ABCA13: variants seen among roughly 807,000 people sequenced by gnomAD.
ABCA13 encodes the protein ATP binding cassette subfamily A member 13.
Under a neutral mutation model 478.7 loss-of-function variants are expected in ABCA13, and 476 were observed. That is an observed-to-expected ratio of 0.99 (90% CI 0.92 to 1.07). ABCA13 has a LOEUF of 1.07. Among genes scored for constraint, ABCA13 ranks in the 50% least tolerant of loss-of-function variants. The pLI is 0.00. For synonymous variants in ABCA13, 2,252 were observed against 2,158.9 expected (o/e 1.04, Z -1.20); for missense variants, 6,060 against 5,910.6 (o/e 1.03, Z -0.83).
chr7:48,221,427 G>A (rs1787347278), intron 5 of ABCA13, 118 bp downstream of exon 5: 1 of 533,156 alleles, frequency 1.9e-6, no homozygotes. Context: ...TATAACAATT[G>A]TATAGAAGCT....
intron 1 of ABCA13, among the ~76,000 whole-genome samples, chr7:48,191,085 G>A (rs1797045707): frequency 6.6e-6 from 1 of 151,782 alleles, no homozygotes; most frequent in Admixed American, 6.6e-5. Context: ...TTTTTATTTT[G>A]CTTACTTATA....
At position 48,367,750 on chromosome 7, in the gene ABCA13, C is replaced by A. The variant is rs1158799265; in HGVS notation, c.10689-44C>A. The A allele has an allele frequency of 4.2e-6, 6 of 1,422,656 alleles. No individual in the cohort carries two copies. In the African/African-American group the frequency reaches 4.3e-5, roughly 10 times the overall value. The allele number at this position is 1,422,656 out of a possible 1,614,324, so 88.1% of individuals were successfully genotyped here. On this transcript the variant is annotated intron_variant, in intron 31 of 61. Transcript: ENST00000435803. Reference sequence around the variant, plus strand: ...GAAAAATGTAAAAAATTAGTAGAGTCATTTTGCTTGTCTCCGGATGCTGAC... The same window carrying A: ...GAAAAATGTAAAAAATTAGTAGAGTAATTTTGCTTGTCTCCGGATGCTGAC...
In ABCA13 at chr7:48,246,875, C is replaced by G. The variant is rs923948124; in HGVS notation, c.1659+845C>G. ...GAGTCTTCCCAAATAAGTCAATGAG[C>G]CTTAGATGAGGTGTAAGATTTGGAA... On this transcript the variant is annotated intron_variant, in intron 13 of 61. Transcript: ENST00000435803. 4.6e-5 allele frequency among the ~76,000 whole-genome samples: 7 copies of G among 151,982 alleles called. No individual in the cohort carries two copies. The East Asian group carries it at 7.7e-4, about 17-fold the overall frequency.
Position 48,255,603 on chromosome 7 carries a change from C to A in ABCA13, c.2005+6252C>A, listed in dbSNP as rs556546644. Among the ~76,000 whole-genome samples the A allele has an allele frequency of 2.6e-5, 4 of 152,174 alleles. No homozygotes were observed. In the East Asian group the frequency reaches 7.7e-4, roughly 29 times the overall value. On this transcript the variant is annotated intron_variant, in intron 15 of 61. Transcript: ENST00000435803. ...AATTAATTTTCTGAGAATACTGGCC[C>A]CCAGCTACATCCATGTTACTGCAAA...
chr7:48,340,859 C>G (rs1011216348), intron 29 of ABCA13, among the ~76,000 whole-genome samples: 2 of 152,176 alleles, frequency 1.3e-5, no homozygotes, highest in African/African-American at 4.8e-5. Flanking sequence ...TCATCTAGCT[C>G]TGCCTTCCAT....
At chr7:48,597,796 T>G (rs772614901) in intron 58 of ABCA13, among the ~76,000 whole-genome samples, 2 of 152,330 alleles carry the variant, frequency 1.3e-5, no homozygotes, top group Non-Finnish European at 2.9e-5. Flanking sequence ...GCTTGATACT[T>G]TAGAATAGTT....
In ABCA13 at chr7:48,221,324, A is replaced by C. The variant is rs937419124; in HGVS notation, c.468+15A>C. The stretch of plus-strand genomic sequence containing the variant: ...GTTTTTTTACAGTAAGTATCTTAAC[A>C]ATAGTTTGAAAATTAGTCTTCAGAG... On this transcript the variant is annotated intron_variant, in intron 5 of 61. Coordinates refer to ENST00000435803, the MANE Select transcript of ABCA13 (RefSeq NM_152701.5). 3.6e-6 allele frequency: 4 copies of C among 1,111,536 alleles called. No individual in the cohort carries two copies. Among genetic ancestry groups the C allele is most frequent in the South Asian group, 2.9e-5 (2 of 67,872 alleles). 68.9% of individuals were successfully genotyped at this position (1,111,536 alleles called of 1,614,324 possible). A position where few individuals can be genotyped will look rare whatever the true frequency, so the allele number is the denominator to read the frequency against.
intron 59 of ABCA13, among the ~76,000 whole-genome samples, chr7:48,636,116 T>G (rs948733503): frequency 1.3e-5 from 2 of 152,180 alleles, no homozygotes; most frequent in African/African-American, 4.8e-5. Context: ...ATATTGACTT[T>G]TTACAGCCCC....
In ABCA13 at chr7:48,271,779, T is replaced by C. The variant is rs1428681186; in HGVS notation, c.2121-8T>C. The C allele has an allele frequency of 1.4e-6, 2 of 1,389,740 alleles. No individual in the cohort carries two copies. Among genetic ancestry groups the C allele is most frequent in the African/African-American group, 2.9e-5 (2 of 68,320 alleles). The allele number at this position is 1,389,740 out of a possible 1,614,324, so 86.1% of individuals were successfully genotyped here. A position where few individuals can be genotyped will look rare whatever the true frequency, so the allele number is the denominator to read the frequency against. ...TTTTATACTAAAATAATTCTATTAA[T>C]ATTACAGGGCTTTAAATTTCACAAA... On this transcript the variant is annotated splice_region_variant and splice_polypyrimidine_tract_variant and intron_variant, in intron 16 of 61. Coordinates refer to ENST00000435803, the MANE Select transcript of ABCA13 (RefSeq NM_152701.5).
At chr7:48,316,635 A>T (rs988139478) in intron 26 of ABCA13, among the ~76,000 whole-genome samples, 2 of 152,198 alleles carry the variant, frequency 1.3e-5, no homozygotes, top group East Asian at 3.9e-4. Context: ...ATTTGTAAAG[A>T]AAGAGGTTTG....
chr7:48,461,768 C>T (rs940934334), intron 43 of ABCA13, among the ~76,000 whole-genome samples: 5 of 152,122 alleles, frequency 3.3e-5, no homozygotes, highest in Non-Finnish European at 7.4e-5. Flanking sequence ...TGACGACATT[C>T]TCATTGTGGA....
At chr7:48,561,513 G>C (rs1786455401) in intron 55 of ABCA13, among the ~76,000 whole-genome samples, 1 of 152,090 alleles carries the variant, frequency 6.6e-6, no homozygotes, top group Non-Finnish European at 1.5e-5. Flanking sequence ...ATTTCTTCAT[G>C]TATCTGTTAG....
At chr7:48,268,266 C>T (rs1795128606) in intron 15 of ABCA13, among the ~76,000 whole-genome samples, 1 of 152,116 alleles carries the variant, frequency 6.6e-6, no homozygotes, top group South Asian at 2.1e-4. Flanking sequence ...AAACAATTCT[C>T]CTGCCTCAGC....
intron 56 of ABCA13, among the ~76,000 whole-genome samples, chr7:48,583,128 C>T (rs1788859413): frequency 6.6e-6 from 1 of 152,166 alleles, no homozygotes; most frequent in Admixed American, 6.5e-5. Context: ...TATGGCCCCT[C>T]ATCATCTTAG....
intron 53 of ABCA13, among the ~76,000 whole-genome samples, chr7:48,524,016 C>T (rs1221054727): frequency 6.6e-6 from 1 of 152,130 alleles, no homozygotes; most frequent in Non-Finnish European, 1.5e-5. Flanking sequence ...AGTGCCAATT[C>T]ATTTCAGTAT....
chr7:48,497,699 A>T (rs1011668032), intron 48 of ABCA13, among the ~76,000 whole-genome samples: 2 of 152,108 alleles, frequency 1.3e-5, no homozygotes, highest in African/African-American at 4.8e-5. Flanking sequence ...CACCAGCCTC[A>T]CTGACACATT....
rs182214777 is a variant in ABCA13, at chr7:48,481,137, A to C, written c.13077A>C (p.Ala4359=). ...TCAATATGGAGGAGTACTTGCTGGC[A>C]CCATCTGAAAAACCAAGGTGTGTTC... ...SGFNMEEYLL[A]PSEKPRLGGW... The change falls in exon 46 of 62, where the codon GCA becomes GCC. Residue 4359 remains alanine, a synonymous_variant. Transcript: ENST00000435803. The C allele has an allele frequency of 3.6e-5, 57 of 1,585,834 alleles. No homozygotes were observed. The East Asian group carries it at 1.3e-3, about 36-fold the overall frequency.
chr7:48,317,833 G>A (rs1563039278), intron 27 of ABCA13, among the ~76,000 whole-genome samples: 2 of 152,224 alleles, frequency 1.3e-5, no homozygotes, highest in Non-Finnish European at 2.9e-5. Flanking sequence ...GAGACACTAT[G>A]TGGCTCTGCT....
intron 51 of ABCA13, among the ~76,000 whole-genome samples, chr7:48,513,715 T>C (rs1227439565): frequency 6.6e-6 from 1 of 152,218 alleles, no homozygotes; most frequent in African/African-American, 2.4e-5. Flanking sequence ...GCCTGGAGAT[T>C]GTTGAAATTC....
Sources: allele counts gnomAD v4.1 joint callset (sites outside exome capture counted in the v4.1 genomes callset), GRCh38; gene constraint gnomAD v4.1.1; transcripts MANE v1.5; gene names NCBI Gene and HGNC (gene_info 2026-07-23, HGNC 2026-07-21).